The following P4HA2 variants were observed in gnomAD, a reference collection of about 807,000 sequenced individuals.
P4HA2 encodes prolyl 4-hydroxylase subunit alpha-2.
In P4HA2, 46 loss-of-function variants were observed where a neutral mutation model predicts 76.9. The ratio of observed to expected loss-of-function variants is 0.60; its 90% confidence interval spans 0.47 to 0.76. The LOEUF is 0.76. P4HA2 is among the 30% of genes least tolerant of loss of function. The pLI, the probability that P4HA2 is intolerant of heterozygous loss-of-function variation, is 0.00. For missense variants in P4HA2, 583 were observed against 669.4 expected, an observed-to-expected ratio of 0.87 and a Z score of 1.42; for synonymous variants, 243 against 254.0, an observed-to-expected ratio of 0.96 and a Z score of 0.41.
chr5:132,204,150 A>C lies in P4HA2; in HGVS notation c.1083T>G (p.Leu361=). ...ERIKEIAKPK[L]ARATVRDPKT... ...TGGGATCACGAACGGTGGCTCGTGCAAGCTAGAAGGAAGGAGGAGAGGGAA... is the reference window on the plus strand; with the variant it reads ...TGGGATCACGAACGGTGGCTCGTGCCAGCTAGAAGGAAGGAGGAGAGGGAA... Residue 361 remains leucine, a splice_region_variant and synonymous_variant, in exon 9 of 15, where the codon CTT becomes CTG. Transcript: ENST00000360568. 6.2e-7 allele frequency: 1 copy of C among 1,611,686 alleles called. No homozygotes were observed. Among genetic ancestry groups the C allele is most frequent in the East Asian group, 2.2e-5 (1 of 44,882 alleles).
intron 1 of P4HA2, among the ~76,000 whole-genome samples, chr5:132,225,998 C>T (rs768484952): frequency 6.6e-6 from 1 of 152,038 alleles, no homozygotes. Context: ...AACAAGGAGG[C>T]CCTAAAAGAA....
In P4HA2 at chr5:132,196,007, T is replaced by C. The variant is rs145497096; in HGVS notation, c.1366-527A>G. Among the ~76,000 whole-genome samples, 680 of 152,230 alleles carry C rather than the reference T, an allele frequency of 4.5e-3. 7 individuals are homozygous for C. The highest frequency in any genetic ancestry group is 0.016 in the African/African-American group (652 of 41,526). Reference sequence around the variant, plus strand: ...CTGAGTGGAAGGGTGGGGCACTGTGTCTCTAGAGGCCCTGCTTTCTCCTAT... The same window carrying C: ...CTGAGTGGAAGGGTGGGGCACTGTGCCTCTAGAGGCCCTGCTTTCTCCTAT... On this transcript the variant is annotated intron_variant, in intron 12 of 14. Transcript: ENST00000360568.
At chr5:132,217,076 C>A (rs1754006943) in intron 4 of P4HA2, 121 bp downstream of exon 4, 2 of 874,930 alleles carry the variant, frequency 2.3e-6, no homozygotes, top group Admixed American at 2.5e-5. Flanking sequence ...CCAGCAGGGT[C>A]CTGTTTCCAC....
chr5:132,219,689 A>C (rs1164135471), intron 1 of P4HA2, among the ~76,000 whole-genome samples: 1 of 152,192 alleles, frequency 6.6e-6, no homozygotes, highest in Non-Finnish European at 1.5e-5. Flanking sequence ...CAAAGCAAGC[A>C]AAACAAAGGA....
At chr5:132,226,055 A>G (rs564362876) in intron 1 of P4HA2, among the ~76,000 whole-genome samples, 2 of 152,334 alleles carry the variant, frequency 1.3e-5, no homozygotes, top group Admixed American at 6.5e-5. Context: ...AAGCAACCAG[A>G]GAGACTGGGC....
At chr5:132,222,620 A>AG (rs1462921105) in intron 1 of P4HA2, among the ~76,000 whole-genome samples, 3 of 152,232 alleles carry the variant, frequency 2.0e-5, no homozygotes, top group Non-Finnish European at 4.4e-5. Flanking sequence ...GTGTGTGACC[A>AG]GGCCCTACTG....
chr5:132,195,996 G>C (rs1750582664), intron 12 of P4HA2, among the ~76,000 whole-genome samples: 1 of 152,200 alleles, frequency 6.6e-6, no homozygotes, highest in African/African-American at 2.4e-5. Flanking sequence ...GTGGAAGGGT[G>C]GGGCACTGTG....
intron 14 of P4HA2, 58 bp downstream of exon 14, chr5:132,194,868 A>G (rs936205826): frequency 1.7e-6 from 2 of 1,206,370 alleles, no homozygotes; most frequent in Non-Finnish European, 2.5e-6. Flanking sequence ...ATCTAAGGCC[A>G]ATAAGCAAAG....
At chr5:132,217,704 G>T in intron 3 of P4HA2, 48 bp downstream of exon 3, 1 of 1,137,598 alleles carries the variant, frequency 8.8e-7, no homozygotes, top group Non-Finnish European at 1.3e-6. Context: ...TCCTTGAGGG[G>T]CAGAAGGGAA....
intron 5 of P4HA2, among the ~76,000 whole-genome samples, chr5:132,213,409 C>T (rs941481147): frequency 1.3e-5 from 2 of 152,052 alleles, no homozygotes; most frequent in African/African-American, 4.8e-5. Context: ...AGCAAAGACT[C>T]GAAAGACTCT....
chr5:132,197,544 G>A (rs1750807235), intron 12 of P4HA2, among the ~76,000 whole-genome samples: 1 of 147,260 alleles, frequency 6.8e-6, no homozygotes, highest in South Asian at 2.2e-4. Context: ...GGAGGCTGAG[G>A]TTGCAGTGAG....
At chr5:132,196,107 G>C (rs527672821) in intron 12 of P4HA2, among the ~76,000 whole-genome samples, 1 of 152,278 alleles carries the variant, frequency 6.6e-6, no homozygotes, top group Non-Finnish European at 1.5e-5. Context: ...AGCATGCCTT[G>C]ACTCATGGCC....
chr5:132,198,511 G>A (rs1751022644), intron 11 of P4HA2, 131 bp from the exon 12 acceptor site: 1 of 852,948 alleles, frequency 1.2e-6, no homozygotes, highest in Non-Finnish European at 1.9e-6. Context: ...ATGTGCCAAA[G>A]CTGCAAAGTA....
intron 4 of P4HA2, 118 bp from the exon 5 acceptor site, chr5:132,214,171 C>T (rs1753534362): frequency 2.0e-6 from 2 of 981,836 alleles, no homozygotes; most frequent in Non-Finnish European, 3.0e-6. Flanking sequence ...CCGCCCCCTC[C>T]CTCAAAGGCT....
intron 6 of P4HA2, 135 bp from the exon 7 acceptor site, chr5:132,209,466 C>T: frequency 1.3e-6 from 1 of 751,880 alleles, no homozygotes; most frequent in South Asian, 1.7e-5. Context: ...AGCATCTAAC[C>T]AGAGTACGCT....
Position 132,207,969 on chromosome 5 carries a change from C to T in P4HA2, c.904-85G>A, listed in dbSNP as rs1413230130. 2.8e-6 allele frequency: 3 copies of T among 1,062,584 alleles called. No individual in the cohort carries two copies. The African/African-American group carries it at 4.9e-5, about 17-fold the overall frequency. 65.8% of individuals were successfully genotyped at this position (1,062,584 alleles called of 1,614,324 possible). A position where few individuals can be genotyped will look rare whatever the true frequency, so the allele number is the denominator to read the frequency against. On this transcript the variant is annotated intron_variant, in intron 7 of 14. Coordinates refer to ENST00000360568, the MANE Select transcript of P4HA2 (RefSeq NM_001017974.2). ...TGGCTGTCTGCAGACACTGGACTCA[C>T]CTCATGGCCAGCAGCTGCTCCCTCC... is the stretch of plus-strand genomic sequence containing the variant.
intron 5 of P4HA2, among the ~76,000 whole-genome samples, chr5:132,212,943 G>A (rs1350121934): frequency 6.6e-6 from 1 of 152,184 alleles, no homozygotes; most frequent in Non-Finnish European, 1.5e-5. Context: ...GGGGGCAGCT[G>A]AGGTTCTGGA....
rs5871448 is a variant in P4HA2, at chr5:132,216,162, C to CAAAAAAAAAA, written c.331+1025_331+1034dup. 9.5e-5 allele frequency among the ~76,000 whole-genome samples: 6 copies of CAAAAAAAAAA among 63,138 alleles called. 1 individual carries two copies. Among genetic ancestry groups the CAAAAAAAAAA allele is most frequent in the Admixed American group, 4.6e-4 (2 of 4,344 alleles). The allele number at this position is 63,138 out of a possible 152,430, so 41.4% of individuals were successfully genotyped here. A position where few individuals can be genotyped will look rare whatever the true frequency, so the allele number is the denominator to read the frequency against. ...CTGGTGACAGAGTGAGACTCAGTCTCAAAAAAAAAAAAAAAAAAAAAAAAA... is the reference window on the plus strand; with the variant it reads ...CTGGTGACAGAGTGAGACTCAGTCTCAAAAAAAAAAAAAAAAAAAAAAAAAAAAAAAAAAA... On this transcript the variant is annotated intron_variant, in intron 4 of 14. Coordinates refer to ENST00000360568, the MANE Select transcript of P4HA2 (RefSeq NM_001017974.2).
chr5:132,202,309 T>C (rs1156463976), intron 10 of P4HA2: 1 of 152,212 alleles, frequency 6.6e-6, no homozygotes, highest in Non-Finnish European at 1.5e-5. Context: ...AAGATGACCT[T>C]CAAAATTGAT....
Sources: gnomAD v4.1 joint callset for allele counts (sites outside exome capture counted in the v4.1 genomes callset) on GRCh38, gnomAD v4.1.1 for gene constraint, MANE v1.5 for transcripts, NCBI Gene and HGNC (gene_info 2026-07-23, HGNC 2026-07-21) for gene names.